LYST: variants seen among roughly 807,000 people sequenced by gnomAD.
LYST encodes lysosomal-trafficking regulator.
LYST carries 192 observed loss-of-function variants against 413.6 expected under a neutral mutation model. That is an observed-to-expected ratio of 0.46 (90% CI 0.41 to 0.52). The LOEUF is 0.52. Among genes scored for constraint, LYST ranks in the 20% least tolerant of loss-of-function variants. The pLI is 0.00. For missense variants in LYST, 3,815 were observed against 4,499.9 expected (o/e 0.85, Z 4.35); for synonymous variants, 1,525 against 1,567.3 (o/e 0.97, Z 0.64).
chr1:235,816,128 CAAAAAAAAAA>C (rs59556548), intron 3 of LYST, among the ~76,000 whole-genome samples: 4 of 11,792 alleles, frequency 3.4e-4, no homozygotes, highest in African/African-American at 4.9e-4. Flanking sequence ...GACTCCATCT[CAAAAAAAAAA>C]AAAAAAAAAA....
At chr1:235,828,709 A>G (rs1267717654) in intron 3 of LYST, 2 of 873,460 alleles carry the variant, frequency 2.3e-6, no homozygotes, top group Non-Finnish European at 2.7e-6. Flanking sequence ...TAAAGAAGAC[A>G]AAGCATTGAA....
At position 235,809,811 on chromosome 1, in the gene LYST, G is replaced by A; in HGVS notation, c.1007C>T (p.Ser336Leu). 6.2e-7 allele frequency: 1 copy of A among 1,613,934 alleles called. No individual in the cohort carries two copies. Among genetic ancestry groups the A allele is most frequent in the Non-Finnish European group, 8.5e-7 (1 of 1,179,960 alleles). Residue 336 changes from serine (S) to leucine (L), a missense_variant, in exon 5 of 53, where the codon TCA (serine) becomes TTA (leucine). Ser to Leu is a moderately radical substitution (Grantham distance 145). This residue lies in a region of LYST where 1,648 missense variants were observed against 1,810.3 expected (regional missense o/e 0.91). Transcript: ENST00000389793. This position sits in a 1 kb window ranked among gnomAD's most constrained non-coding sequence, Gnocchi z 4.0. ...MLFRTVLHLL[S>L]VDVSTAEMMP... ...CATCTCTGCAGTACTAACATCTACT[G>A]ACAGAAGATGCAACACTGTTCGAAA...
At chr1:235,786,904 TG>T (rs1312242141) in intron 14 of LYST, among the ~76,000 whole-genome samples, 3 of 67,800 alleles carry the variant, frequency 4.4e-5, no homozygotes, top group African/African-American at 1.2e-4. Flanking sequence ...TGTCGTGGGG[TG>T]GGGGGAGGGG....
At chr1:235,790,749 T>TC (rs1670893987) in intron 12 of LYST, among the ~76,000 whole-genome samples, 1 of 152,216 alleles carries the variant, frequency 6.6e-6, no homozygotes, top group Admixed American at 6.5e-5. Context: ...CAGTTTTTTT[T>TC]CTGCCCTAGT....
intron 42 of LYST, among the ~76,000 whole-genome samples, chr1:235,713,678 A>G (rs1662597013): frequency 6.6e-6 from 1 of 152,228 alleles, no homozygotes; most frequent in African/African-American, 2.4e-5. Flanking sequence ...TAAACGTCCT[A>G]CAATGCACAG....
Position 235,712,098 on chromosome 1 carries a change from G to T in LYST, c.9884C>A (p.Pro3295Gln), listed in dbSNP as rs1216715651. Residue 3295 changes from proline to glutamine, a missense_variant, in exon 43 of 53, where the codon CCA becomes CAA. By Grantham distance (76) the Pro-to-Gln change is moderately conservative. Coordinates refer to ENST00000389793, the MANE Select transcript of LYST (RefSeq NM_000081.4). Reference protein sequence around the residue: ...ESMTDVKELIPEFFYLPEFLV... With the variant: ...ESMTDVKELIQEFFYLPEFLV... ...GAACTCTGGAAGATAGAAAAACTCT[G>T]GGATAAGTTCTTTCACATCAGTCAT... 1 of 1,555,288 alleles carries T rather than the reference G, an allele frequency of 6.4e-7. No individual in the cohort carries two copies. The highest frequency in any genetic ancestry group is 1.9e-5 in the Admixed American group (1 of 53,276).
At chr1:235,703,242 C>CAT (rs1661691557) in intron 44 of LYST, among the ~76,000 whole-genome samples, 1 of 152,054 alleles carries the variant, frequency 6.6e-6, no homozygotes, top group Non-Finnish European at 1.5e-5. Flanking sequence ...CTGAGAATAT[C>CAT]ATATATGACC....
rs868852761 is a variant in LYST at position 235,741,508 on chromosome 1, C to T, written c.8272G>A (p.Ala2758Thr). ...TCAAAAATTTGCTTTCTCTCTTGTG[C>T]AGCGTGGGCTGGCGACAAAATATGC... ...LVHILSPAHA[A>T]QERKQIFEIV... Residue 2758 changes from alanine (A) to threonine (T), a missense_variant, in exon 31 of 53, where the codon GCA (alanine) becomes ACA (threonine). Physicochemically the swap from Ala to Thr is moderately conservative, Grantham distance 58 (BLOSUM62 0). Around this residue, in one of 4 missense-constraint regions of LYST, gnomAD observed 771 missense variants for 837.1 expected, o/e 0.92. Transcript: ENST00000389793. 8 of 1,613,916 alleles carry T rather than the reference C, an allele frequency of 5.0e-6. No homozygotes were observed. The African/African-American group carries it at 6.7e-5, about 13-fold the overall frequency.
intron 40 of LYST, among the ~76,000 whole-genome samples, chr1:235,717,258 C>T (rs978018405): frequency 2.0e-5 from 3 of 152,154 alleles, no homozygotes; most frequent in Non-Finnish European, 4.4e-5. Flanking sequence ...AGAAACAACA[C>T]GTGCTTAAAA....
At chr1:235,762,000 C>T (rs1473733477) in intron 22 of LYST, among the ~76,000 whole-genome samples, 1 of 149,526 alleles carries the variant, frequency 6.7e-6, no homozygotes, top group African/African-American at 2.5e-5. Flanking sequence ...GGAGGGATAG[C>T]ATTAGGAGAT....
chr1:235,814,253 T>C (rs996814593), intron 3 of LYST, among the ~76,000 whole-genome samples: 7 of 152,172 alleles, frequency 4.6e-5, no homozygotes, highest in Non-Finnish European at 1.0e-4. Context: ...GAGACGTCTA[T>C]GCACTATCCT....
chr1:235,756,335 T>C (rs1667051155), intron 24 of LYST, among the ~76,000 whole-genome samples: 1 of 152,166 alleles, frequency 6.6e-6, no homozygotes, highest in Admixed American at 6.6e-5. Flanking sequence ...TCCTTCCGTT[T>C]CCCCTATGCT....
rs1419555122 is a variant in LYST at position 235,752,095 on chromosome 1, T to A, written c.7537A>T (p.Ser2513Cys). ...LFIAVTIHAC[S>C]SSGSQYFRVI... is the part of the protein sequence containing the mutation. ...CTAAAATATTGTGAGCCTGAGGAAC[T>A]GCAAGCATGAATTGTAACTGCTATG... The change falls in exon 27 of 53, where the codon AGT (serine) becomes TGT (cysteine). Residue 2513 changes from serine to cysteine, a missense_variant. Physicochemically the swap from Ser to Cys is moderately radical, Grantham distance 112. Around this residue, in one of 4 missense-constraint regions of LYST, gnomAD observed 771 missense variants for 837.1 expected, o/e 0.92. Coordinates refer to ENST00000389793, the MANE Select transcript of LYST (RefSeq NM_000081.4). The A allele has an allele frequency of 6.2e-7, 1 of 1,611,092 alleles. No homozygotes were observed. The highest frequency in any genetic ancestry group is 1.3e-5 in the African/African-American group (1 of 74,960).
intron 50 of LYST, among the ~76,000 whole-genome samples, chr1:235,670,798 G>T (rs763294699): frequency 3.8e-4 from 58 of 152,146 alleles, no homozygotes; most frequent in Non-Finnish European, 7.1e-4. Context: ...TGGGGAGGGG[G>T]GTTAAGTCTC....
At chr1:235,758,348 T>C (rs757203113) in intron 23 of LYST, among the ~76,000 whole-genome samples, 1 of 152,198 alleles carries the variant, frequency 6.6e-6, no homozygotes, top group East Asian at 1.9e-4. Context: ...GCAATGTCTG[T>C]CATAACATGG....
chr1:235,789,261 T>C (rs1307668329), intron 12 of LYST, among the ~76,000 whole-genome samples: 1 of 150,138 alleles, frequency 6.7e-6, no homozygotes, highest in South Asian at 2.1e-4. Context: ...CAATATGGCA[T>C]GATTTAAAAA....
Position 235,718,701 on chromosome 1 carries a change from G to A in LYST, c.9561-1923C>T, listed in dbSNP as rs764984925. Among the ~76,000 whole-genome samples the A allele has an allele frequency of 3.9e-5, 6 of 151,954 alleles. 1 individual carries two copies. The highest frequency in any genetic ancestry group is 2.6e-4 in the Admixed American group (4 of 15,264). ...ATCAGAATATTTTTTCATATTAAAC[G>A]AACAAAATATTCCCTCATCAACTAG... is the stretch of plus-strand genomic sequence containing the variant. On this transcript the variant is annotated intron_variant, in intron 40 of 52. Coordinates refer to ENST00000389793, the MANE Select transcript of LYST (RefSeq NM_000081.4).
intron 50 of LYST, among the ~76,000 whole-genome samples, chr1:235,673,153 G>A (rs946656859): frequency 6.6e-6 from 1 of 152,080 alleles, no homozygotes; most frequent in African/African-American, 2.4e-5. Context: ...TCAAAGCCAT[G>A]GACCACTGTC....
Position 235,674,326 on chromosome 1 carries a change from G to A in LYST, c.11038+2765C>T, listed in dbSNP as rs1322107250. Among the ~76,000 whole-genome samples, 2 of 151,870 alleles carry A rather than the reference G, an allele frequency of 1.3e-5. No homozygotes were observed. The highest frequency in any genetic ancestry group is 2.9e-5 in the Non-Finnish European group (2 of 68,008). Reference sequence around the variant, plus strand: ...TTAAGTACTCTGCCAAGCAAGTGGAGTGGCATTTGCGCTCTAATCCAATTA... The same window carrying A: ...TTAAGTACTCTGCCAAGCAAGTGGAATGGCATTTGCGCTCTAATCCAATTA... On this transcript the variant is annotated intron_variant, in intron 50 of 52. Coordinates refer to ENST00000389793, the MANE Select transcript of LYST (RefSeq NM_000081.4). The surrounding 1 kb of genome is among the most constrained non-coding windows in gnomAD (Gnocchi z 4.1).
Sources: gnomAD v4.1 joint callset for allele counts (sites outside exome capture counted in the v4.1 genomes callset) on GRCh38, gnomAD v4.1.1 for gene constraint, gnomAD v4.1.1 regional missense constraint, Gnocchi (gnomAD v3.1) non-coding constraint, MANE v1.5 for transcripts, NCBI Gene and HGNC (gene_info 2026-07-23, HGNC 2026-07-21) for gene names.